Variants in ADAMTSL1 observed in about 807,000 individuals in gnomAD.
ADAMTSL1 encodes the protein ADAMTS-like protein 1.
ADAMTSL1 carries 126 observed loss-of-function variants against 201.8 expected under a neutral mutation model. The ratio of observed to expected loss-of-function variants is 0.62; its 90% CI spans 0.54 to 0.72. ADAMTSL1 has a LOEUF of 0.72. Ranked by LOEUF, ADAMTSL1 falls within the 30% of genes least tolerant of loss-of-function variation. ADAMTSL1 has a pLI of 0.00. For missense variants in ADAMTSL1, 2,679 were observed against 2,277.8 expected (o/e 1.18, Z -3.59); for synonymous variants, 1,121 against 903.4 (o/e 1.24, Z -4.32).
rs189147958 is a variant in ADAMTSL1, at chr9:18,502,819, C to T, written c.64-2010C>T. On this transcript the variant is annotated intron_variant, in intron 1 of 28. Coordinates refer to ENST00000380548, the MANE Select transcript of ADAMTSL1 (RefSeq NM_001040272.6). ...TCAGGGAGATGATACTTTACAAGCA[C>T]GGTGTCTCAACTAAACTCAAAGCAA... Among the ~76,000 whole-genome samples the T allele has an allele frequency of 9.9e-5, 15 of 152,140 alleles. 1 individual carries two copies. The highest frequency in any genetic ancestry group is 7.9e-4 in the Admixed American group (12 of 15,278).
chr9:17,984,276 C>A (rs1818835031), intron 1 of ADAMTSL1, among the ~76,000 whole-genome samples: 1 of 152,052 alleles, frequency 6.6e-6, no homozygotes. Flanking sequence ...ATACTCTCAG[C>A]ACCCAGATTA....
chr9:18,481,021 G>A (rs1160041234), intron 1 of ADAMTSL1, among the ~76,000 whole-genome samples: 2 of 152,094 alleles, frequency 1.3e-5, no homozygotes, highest in Admixed American at 6.5e-5. Context: ...GAATATAACA[G>A]AAAAAGATGC....
At chr9:18,245,963 G>T (rs777439683) in intron 2 of ADAMTSL1, among the ~76,000 whole-genome samples, 1 of 151,992 alleles carries the variant, frequency 6.6e-6, no homozygotes, top group African/African-American at 2.4e-5. Flanking sequence ...AGACAAATTA[G>T]CAGAGACTAC....
chr9:18,474,393 CT>C, intron 1 of ADAMTSL1, 98 bp downstream of exon 1: 2 of 1,162,528 alleles, frequency 1.7e-6, no homozygotes, highest in Non-Finnish European at 1.3e-6. Context: ...GTGTGTGTGT[CT>C]TTATCTTAAA....
At chr9:18,062,029 C>G (rs1004287470) in intron 1 of ADAMTSL1, among the ~76,000 whole-genome samples, 84 of 152,172 alleles carry the variant, frequency 5.5e-4, no homozygotes, top group African/African-American at 1.9e-3. Context: ...GGGCCAGCTA[C>G]AAGCTACACT....
chr9:18,308,406 C>T (rs888898174), intron 2 of ADAMTSL1, among the ~76,000 whole-genome samples: 4 of 152,204 alleles, frequency 2.6e-5, no homozygotes, highest in East Asian at 1.9e-4. Context: ...AATCCAGGAG[C>T]TGGTTTTTTG....
chr9:18,351,637 C>T (rs1835968652), intron 2 of ADAMTSL1, among the ~76,000 whole-genome samples: 3 of 152,134 alleles, frequency 2.0e-5, no homozygotes, highest in African/African-American at 7.2e-5. Context: ...CAGGACAGAC[C>T]TCCCAGAAAG....
chr9:17,943,388 A>G (rs558320213), intron 1 of ADAMTSL1, among the ~76,000 whole-genome samples: 6 of 152,226 alleles, frequency 3.9e-5, no homozygotes, highest in Middle Eastern at 3.4e-3. Context: ...AAGTATTGCT[A>G]TTGGTTTTGA....
chr9:18,853,730 C>A (rs573076059), intron 23 of ADAMTSL1, among the ~76,000 whole-genome samples: 1 of 152,172 alleles, frequency 6.6e-6, no homozygotes, highest in Non-Finnish European at 1.5e-5. Context: ...AGGCAAGATA[C>A]GGGTTGGTTA....
At chr9:18,668,922 G>T (rs946159775) in intron 9 of ADAMTSL1, among the ~76,000 whole-genome samples, 1 of 152,220 alleles carries the variant, frequency 6.6e-6, no homozygotes, top group Non-Finnish European at 1.5e-5. Flanking sequence ...AAGTGTTAGG[G>T]CCACTTGGCA....
intron 2 of ADAMTSL1, among the ~76,000 whole-genome samples, chr9:18,377,224 A>G (rs542718286): frequency 5.3e-5 from 8 of 152,344 alleles, no homozygotes; most frequent in African/African-American, 9.6e-5. Context: ...TAACTTCTCT[A>G]TGGACTTCTA....
intron 23 of ADAMTSL1, among the ~76,000 whole-genome samples, chr9:18,882,452 CAT>C (rs746511056): frequency 1.3e-5 from 2 of 152,122 alleles, no homozygotes; most frequent in East Asian, 3.8e-4. Flanking sequence ...CCTTCATACA[CAT>C]ATAGTTTTCC....
intron 1 of ADAMTSL1, among the ~76,000 whole-genome samples, chr9:18,033,819 C>T (rs1230873567): frequency 6.6e-6 from 1 of 152,166 alleles, no homozygotes; most frequent in Non-Finnish European, 1.5e-5. Flanking sequence ...TGAGGGGAGA[C>T]CCCTCTCTTA....
chr9:18,285,364 G>T (rs2132649290), intron 2 of ADAMTSL1, among the ~76,000 whole-genome samples: 1 of 152,146 alleles, frequency 6.6e-6, no homozygotes, highest in South Asian at 2.1e-4. Flanking sequence ...TTGTACTGAT[G>T]AGAGTGAGGG....
intron 20 of ADAMTSL1, among the ~76,000 whole-genome samples, chr9:18,807,666 A>C (rs867464856): frequency 0.024 from 3,702 of 151,480 alleles, 88 homozygotes; most frequent in African/African-American, 0.056. Flanking sequence ...AAACAAAAAA[A>C]AAACAAAGCA....
chr9:18,266,474 A>G (rs1321818246), intron 2 of ADAMTSL1, among the ~76,000 whole-genome samples: 3 of 152,238 alleles, frequency 2.0e-5, no homozygotes, highest in Non-Finnish European at 2.9e-5. Flanking sequence ...ATTCATAATC[A>G]AAAATGATAC....
chr9:18,310,523 C>G (rs1352948770), intron 2 of ADAMTSL1, among the ~76,000 whole-genome samples: 1 of 151,660 alleles, frequency 6.6e-6, no homozygotes, highest in Admixed American at 6.6e-5. Context: ...AAAAAACAAC[C>G]CCATCAAAAA....
intron 23 of ADAMTSL1, among the ~76,000 whole-genome samples, chr9:18,837,048 G>A (rs9696918): frequency 0.18 from 27,898 of 152,136 alleles, 2,581 homozygotes; most frequent in Middle Eastern, 0.3. Context: ...CATATAGTCA[G>A]TGAAGAGAGA....
chr9:18,325,248 A>G (rs142461167), intron 2 of ADAMTSL1, among the ~76,000 whole-genome samples: 226 of 152,332 alleles, frequency 1.5e-3, no homozygotes, highest in African/African-American at 5.1e-3. Flanking sequence ...ATATTTACCT[A>G]AGGGAGATGA....
Sources: allele counts gnomAD v4.1 joint callset (sites outside exome capture counted in the v4.1 genomes callset), GRCh38; gene constraint gnomAD v4.1.1; transcripts MANE v1.5; gene names NCBI Gene and HGNC (gene_info 2026-07-23, HGNC 2026-07-21).